LAMA3: variants seen among roughly 807,000 people sequenced by gnomAD.
The protein encoded by LAMA3 is laminin subunit alpha 3, also known as laminin subunit alpha-3.
A neutral mutation model predicts 402.0 loss-of-function variants in LAMA3; 281 were observed. That is an observed-to-expected ratio of 0.70 (90% confidence interval 0.63 to 0.77). The LOEUF (loss-of-function observed/expected upper bound fraction) is 0.77. LAMA3 is among the 30% of genes least tolerant of loss of function. The probability of loss-of-function intolerance (pLI) is 0.00; values close to 1 mark genes in which losing one functional copy is unlikely to be tolerated. For missense variants in LAMA3, 3,840 were observed against 4,215.5 expected (o/e 0.91, Z 2.47); for synonymous variants, 1,431 against 1,558.4 (o/e 0.92, Z 1.93).
intron 34 of LAMA3, among the ~76,000 whole-genome samples, chr18:23,859,689 C>G (rs992650517): frequency 3.3e-5 from 5 of 152,206 alleles, no homozygotes; most frequent in African/African-American, 7.2e-5. Flanking sequence ...GGCATGCAGA[C>G]GTGTTTACCC....
At chr18:23,760,749 C>T (rs966008141) in intron 7 of LAMA3, among the ~76,000 whole-genome samples, 8 of 152,280 alleles carry the variant, frequency 5.3e-5, no homozygotes, top group East Asian at 1.9e-4. Flanking sequence ...GCTGCTGTAA[C>T]GTCTGGGTAG....
intron 64 of LAMA3, among the ~76,000 whole-genome samples, chr18:23,929,630 T>C (rs2082105242): frequency 6.6e-6 from 1 of 151,968 alleles, no homozygotes; most frequent in Admixed American, 6.6e-5. Flanking sequence ...TGCCCCTCTC[T>C]TGGTGGCTGA....
At chr18:23,908,957 G>A (rs1384772808) in intron 54 of LAMA3, among the ~76,000 whole-genome samples, 196 bp from the exon 55 acceptor site, 2 of 152,176 alleles carry the variant, frequency 1.3e-5, no homozygotes, top group Non-Finnish European at 2.9e-5. Flanking sequence ...TTGGACCATG[G>A]TTGATAGCAA....
intron 9 of LAMA3, among the ~76,000 whole-genome samples, chr18:23,774,091 T>C (rs189238770): frequency 6.6e-6 from 1 of 152,198 alleles, no homozygotes; most frequent in Non-Finnish European, 1.5e-5. Flanking sequence ...GGTGTGGTGG[T>C]GCTCACCCGT....
chr18:23,756,339 T>C (rs1288851328), intron 6 of LAMA3, among the ~76,000 whole-genome samples: 1 of 151,900 alleles, frequency 6.6e-6, no homozygotes, highest in Non-Finnish European at 1.5e-5. Context: ...GGGTCTTTAT[T>C]TGACTCAAAC....
chr18:23,796,910 C>T (rs377766848), intron 12 of LAMA3, among the ~76,000 whole-genome samples: 7 of 152,044 alleles, frequency 4.6e-5, no homozygotes, highest in East Asian at 3.9e-4. Flanking sequence ...CTGACCTCAC[C>T]GGAAGCATGA....
rs1368666694 is a variant in LAMA3 at position 23,833,826 on chromosome 18, A to T, written c.2824-2A>T. 2.5e-6 allele frequency: 4 copies of T among 1,612,796 alleles called. No individual in the cohort carries two copies. In the South Asian group the frequency reaches 4.4e-5, roughly 18 times the overall value. ...AGTCTGTCTGCTTGGCCTCTGTGAC[A>T]GGTGGAATTGCATCTGCGGCTGCGC... is the stretch of plus-strand genomic sequence containing the variant. On this transcript the variant is annotated splice_acceptor_variant, in intron 23 of 74. Coordinates refer to ENST00000313654, the MANE Select transcript of LAMA3 (RefSeq NM_198129.4). LOFTEE classifies it high-confidence loss of function.
intron 39 of LAMA3, among the ~76,000 whole-genome samples, chr18:23,880,615 A>G (rs2064864953): frequency 6.6e-6 from 1 of 152,248 alleles, no homozygotes; most frequent in Non-Finnish European, 1.5e-5. Context: ...GCGATGGCTC[A>G]TGCCTATAAT....
intron 23 of LAMA3, among the ~76,000 whole-genome samples, chr18:23,832,670 T>A (rs1397986321): frequency 6.6e-6 from 1 of 152,208 alleles, no homozygotes; most frequent in Non-Finnish European, 1.5e-5. Flanking sequence ...ATGATGATTG[T>A]ATACCATTAT....
chr18:23,836,929 A>C, intron 24 of LAMA3, 52 bp from the exon 25 acceptor site: 1 of 1,306,554 alleles, frequency 7.7e-7, no homozygotes, highest in Non-Finnish European at 1.1e-6. Flanking sequence ...GGATGTGCAG[A>C]ATGAGGGAGA....
chr18:23,693,537 A>G lies in LAMA3; in HGVS notation c.294+3560A>G, dbSNP rs1246599651. Among the ~76,000 whole-genome samples the G allele has an allele frequency of 2.0e-4, 30 of 152,136 alleles. 1 individual carries two copies. The highest frequency in any genetic ancestry group is 1.5e-4 in the Non-Finnish European group (10 of 68,004). ...GAGAGTGAGACTCTGTATCAAAAAA[A>G]AAAAAAAAAGAGAAACGTACAGTGC... On this transcript the variant is annotated intron_variant, in intron 1 of 74. Coordinates refer to ENST00000313654, the MANE Select transcript of LAMA3 (RefSeq NM_198129.4).
At chr18:23,873,979 G>T (rs1376445082) in intron 38 of LAMA3, among the ~76,000 whole-genome samples, 1 of 152,120 alleles carries the variant, frequency 6.6e-6, no homozygotes, top group Non-Finnish European at 1.5e-5. Flanking sequence ...ATGTGGTTTT[G>T]CTTGCTTTAT....
Position 23,916,473 on chromosome 18 carries a change from A to G in LAMA3, c.7779-78A>G, listed in dbSNP as rs1283989895. The G allele has an allele frequency of 7.9e-6, 12 of 1,520,854 alleles. 1 individual carries two copies. The highest frequency in any genetic ancestry group is 5.0e-5 in the Admixed American group (3 of 59,888). The allele number at this position is 1,520,854 out of a possible 1,614,324, so 94.2% of individuals were successfully genotyped here. A position where few individuals can be genotyped will look rare whatever the true frequency, so the allele number is the denominator to read the frequency against. On this transcript the variant is annotated intron_variant, in intron 59 of 74. Coordinates refer to ENST00000313654, the MANE Select transcript of LAMA3 (RefSeq NM_198129.4). ...TCTTGGCTCCATTTTTCAGATAGCA[A>G]CATCTTGTATTAATAAGCACACTGG...
At position 23,837,093 on chromosome 18, in the gene LAMA3, T is replaced by A. The variant is rs1457856628; in HGVS notation, c.3093+4T>A. 6.3e-7 allele frequency: 1 copy of A among 1,591,128 alleles called. No individual in the cohort carries two copies. The highest frequency in any genetic ancestry group is 1.3e-5 in the African/African-American group (1 of 74,500). On this transcript the variant is annotated splice_donor_region_variant and intron_variant, in intron 25 of 74. Coordinates refer to ENST00000313654, the MANE Select transcript of LAMA3 (RefSeq NM_198129.4). ...ACACATGGCCCGATTCCTTCTGGTA[T>A]GCTTCTGTTTTGCCCATTGAATTTT...
At chr18:23,904,188 A>G (rs1167518310) in intron 50 of LAMA3, 101 bp downstream of exon 50, 1 of 1,376,976 alleles carries the variant, frequency 7.3e-7, no homozygotes, top group East Asian at 2.3e-5. Flanking sequence ...GGGTCTCCAG[A>G]ACTGGGTGGA....
At chr18:23,867,495 G>A (rs1433431164) in intron 36 of LAMA3, among the ~76,000 whole-genome samples, 2 of 144,214 alleles carry the variant, frequency 1.4e-5, no homozygotes, top group Non-Finnish European at 3.0e-5. Context: ...GTTGCAGTGA[G>A]CCAAGGTTGT....
intron 1 of LAMA3, among the ~76,000 whole-genome samples, chr18:23,694,988 T>C (rs190238380): frequency 6.6e-6 from 1 of 152,212 alleles, no homozygotes; most frequent in Admixed American, 6.5e-5. Flanking sequence ...AATTTACTTA[T>C]CAGAGCAACA....
At chr18:23,919,612 C>T (rs1470927213) in intron 60 of LAMA3, among the ~76,000 whole-genome samples, 1 of 152,096 alleles carries the variant, frequency 6.6e-6, no homozygotes, top group Non-Finnish European at 1.5e-5. Flanking sequence ...AGGAGGACAG[C>T]ATTTGAACAG....
chr18:23,845,949 T>C (rs1735699691), intron 30 of LAMA3, among the ~76,000 whole-genome samples: 1 of 152,238 alleles, frequency 6.6e-6, no homozygotes, highest in Admixed American at 6.5e-5. Context: ...ATTTTATTAG[T>C]TGTATTATTA....
Sources: gnomAD v4.1 joint callset for allele counts (sites outside exome capture counted in the v4.1 genomes callset) on GRCh38, gnomAD v4.1.1 for gene constraint, MANE v1.5 for transcripts, NCBI Gene and HGNC (gene_info 2026-07-23, HGNC 2026-07-21) for gene names.